Variants in SMYD3 observed in about 807,000 individuals in gnomAD.
The protein encoded by SMYD3 is SET and MYND domain containing 3.
In SMYD3, 36 loss-of-function variants were observed where a neutral mutation model predicts 57.7. The observed-to-expected ratio is 0.62, with a 90% CI of 0.48 to 0.82. SMYD3 has a LOEUF of 0.82. Among genes scored for constraint, SMYD3 ranks in the 40% least tolerant of loss-of-function variants. The pLI is 0.00. For missense variants in SMYD3, 515 were observed against 538.8 expected, an observed-to-expected ratio of 0.96 and a Z score of 0.44; for synonymous variants, 211 against 195.0, an observed-to-expected ratio of 1.08 and a Z score of -0.68.
At chr1:246,082,192 A>C (rs972797964) in intron 5 of SMYD3, among the ~76,000 whole-genome samples, 1 of 151,970 alleles carries the variant, frequency 6.6e-6, no homozygotes, top group Non-Finnish European at 1.5e-5. Flanking sequence ...ATGAAAGGCC[A>C]TAAGATTAGG....
intron 1 of SMYD3, among the ~76,000 whole-genome samples, chr1:246,362,887 G>A (rs1483627476): frequency 1.9e-4 from 29 of 151,066 alleles, no homozygotes; most frequent in African/African-American, 3.9e-4. Context: ...CCGCCACCCC[G>A]TCTGGGAAGT....
chr1:246,469,977 C>CA lies in SMYD3; in HGVS notation c.164+37076dup, dbSNP rs1375157651. ...ATCCTCAGAACAACACAGTATCACACATACACTACATAAATACTGTCTTAT... is the reference window on the plus strand; with the variant it reads ...ATCCTCAGAACAACACAGTATCACACAATACACTACATAAATACTGTCTTAT... On this transcript the variant is annotated intron_variant, in intron 1 of 11. Coordinates refer to ENST00000490107, the MANE Select transcript of SMYD3 (RefSeq NM_001167740.2). Among the ~76,000 whole-genome samples, 8 of 152,324 alleles carry CA rather than the reference C, an allele frequency of 5.3e-5. No individual in the cohort carries two copies. In the East Asian group the frequency reaches 1.5e-3, roughly 29 times the overall value.
At position 245,874,722 on chromosome 1, in the gene SMYD3, A is replaced by T. The variant is rs189111493; in HGVS notation, c.814-10836T>A. ...CTCAGCCTTTAAAAAAAAATTCTAG[A>T]ATTGTATTTTGTATCTCACTGGAAA... On this transcript the variant is annotated intron_variant, in intron 8 of 11. Transcript: ENST00000490107. 2.7e-4 allele frequency among the ~76,000 whole-genome samples: 41 copies of T among 152,340 alleles called. No individual in the cohort carries two copies. In the East Asian group the frequency reaches 5.2e-3, roughly 19 times the overall value.
At chr1:246,235,228 A>T (rs1016819397) in intron 5 of SMYD3, among the ~76,000 whole-genome samples, 1 of 152,216 alleles carries the variant, frequency 6.6e-6, no homozygotes, top group Non-Finnish European at 1.5e-5. Flanking sequence ...CTGTAACTGG[A>T]AAGTGTCATA....
At chr1:246,052,375 T>C (rs1396169911) in intron 5 of SMYD3, among the ~76,000 whole-genome samples, 1 of 152,166 alleles carries the variant, frequency 6.6e-6, no homozygotes, top group Non-Finnish European at 1.5e-5. Flanking sequence ...GTGATGCTGA[T>C]AGTACAAGAT....
intron 5 of SMYD3, among the ~76,000 whole-genome samples, chr1:246,045,713 A>C (rs2148308321): frequency 6.6e-6 from 1 of 152,314 alleles, no homozygotes; most frequent in Admixed American, 6.5e-5. Context: ...AATGGGAGAA[A>C]ATTTTTATAA....
intron 10 of SMYD3, among the ~76,000 whole-genome samples, chr1:245,810,129 G>A (rs1012169202): frequency 3.9e-5 from 6 of 152,280 alleles, no homozygotes; most frequent in Middle Eastern, 3.4e-3. Flanking sequence ...GTCTCTTTCC[G>A]CAGTACTCTG....
chr1:246,480,838 A>C (rs1048116143), intron 1 of SMYD3, among the ~76,000 whole-genome samples: 8 of 151,916 alleles, frequency 5.3e-5, no homozygotes, highest in Admixed American at 4.6e-4. Context: ...TCTGTCACCC[A>C]GGCTGAATGG....
intron 10 of SMYD3, among the ~76,000 whole-genome samples, chr1:245,805,056 C>T (rs1324263685): frequency 6.6e-6 from 1 of 151,632 alleles, no homozygotes; most frequent in Non-Finnish European, 1.5e-5. Flanking sequence ...TAGTCTGATT[C>T]ACAAGTACAT....
intron 5 of SMYD3, among the ~76,000 whole-genome samples, chr1:246,143,415 A>G (rs2061793039): frequency 6.6e-6 from 1 of 152,086 alleles, no homozygotes. Context: ...TGGTGCTCAC[A>G]CCTGTAATCC....
chr1:246,422,995 G>A (rs1170749622), intron 1 of SMYD3, among the ~76,000 whole-genome samples: 2 of 152,150 alleles, frequency 1.3e-5, no homozygotes, highest in East Asian at 3.9e-4. Context: ...GTAAGTGTTA[G>A]GAAGGAAAAT....
intron 1 of SMYD3, among the ~76,000 whole-genome samples, chr1:246,377,007 G>T (rs2066290213): frequency 6.6e-6 from 1 of 152,076 alleles, no homozygotes; most frequent in African/African-American, 2.4e-5. Flanking sequence ...GGTTGAGGCA[G>T]GAGAATCACT....
At chr1:246,046,639 T>A (rs989536555) in intron 5 of SMYD3, among the ~76,000 whole-genome samples, 19 of 147,746 alleles carry the variant, frequency 1.3e-4, no homozygotes, top group Non-Finnish European at 3.0e-5. Context: ...TATATATATA[T>A]AAAATATATA....
At chr1:246,210,377 G>A (rs2063066740) in intron 5 of SMYD3, among the ~76,000 whole-genome samples, 1 of 152,080 alleles carries the variant, frequency 6.6e-6, no homozygotes, top group African/African-American at 2.4e-5. Context: ...AGGCATGACT[G>A]GATGGATAAA....
chr1:246,118,865 G>A (rs754073045), intron 5 of SMYD3, among the ~76,000 whole-genome samples: 14 of 148,298 alleles, frequency 9.4e-5, no homozygotes, highest in Non-Finnish European at 2.1e-4. Flanking sequence ...AGGGGTAATG[G>A]CTGGAGCTCC....
chr1:245,961,389 G>A (rs12037922), intron 5 of SMYD3, among the ~76,000 whole-genome samples: 19,905 of 152,094 alleles, frequency 0.13, 1,641 homozygotes, highest in East Asian at 0.41. Flanking sequence ...TATCTTGTCA[G>A]CACTTTGAAT....
chr1:246,114,647 TTC>T (rs2061312935), intron 5 of SMYD3, among the ~76,000 whole-genome samples: 3 of 152,220 alleles, frequency 2.0e-5, no homozygotes, highest in South Asian at 4.2e-4. Context: ...TTGTTGTTGT[TTC>T]GAGATGAAGT....
intron 5 of SMYD3, among the ~76,000 whole-genome samples, chr1:246,167,125 T>C (rs1366659407): frequency 1.3e-5 from 2 of 152,366 alleles, no homozygotes; most frequent in Admixed American, 6.5e-5. Context: ...CTTCATTCAT[T>C]TGATGGCTGA....
intron 5 of SMYD3, among the ~76,000 whole-genome samples, chr1:246,087,638 C>T (rs1197980544): frequency 6.6e-6 from 1 of 152,180 alleles, no homozygotes; most frequent in African/African-American, 2.4e-5. Flanking sequence ...ACACTTTAGC[C>T]TACCAACATA....
Sources: gnomAD v4.1 joint callset for allele counts (sites outside exome capture counted in the v4.1 genomes callset) on GRCh38, gnomAD v4.1.1 for gene constraint, MANE v1.5 for transcripts, NCBI Gene and HGNC (gene_info 2026-07-23, HGNC 2026-07-21) for gene names.